Variants in ST8SIA2 observed in about 807,000 individuals in gnomAD.
ST8SIA2 encodes alpha-2,8-sialyltransferase 8B.
Under a neutral mutation model 37.6 loss-of-function variants are expected in ST8SIA2, and 22 were observed. The ratio of observed to expected loss-of-function variants is 0.58; its 90% CI spans 0.42 to 0.83. The LOEUF (loss-of-function observed/expected upper bound fraction) is 0.83. Among genes scored for constraint, ST8SIA2 ranks in the 40% least tolerant of loss-of-function variants. The pLI is 0.00. For missense variants in ST8SIA2, 382 were observed against 484.7 expected (o/e 0.79, Z 1.99); for synonymous variants, 205 against 201.2 (o/e 1.02, Z -0.16).
chr15:92,450,940 CT>C (rs766964227), intron 5 of ST8SIA2, among the ~76,000 whole-genome samples: 34 of 152,180 alleles, frequency 2.2e-4, no homozygotes, highest in Non-Finnish European at 5.0e-4. Flanking sequence ...TGAGAATTCA[CT>C]TTTAGGGCAG....
At chr15:92,438,696 G>T in intron 4 of ST8SIA2, 86 bp downstream of exon 4, 1 of 1,461,570 alleles carries the variant, frequency 6.8e-7, no homozygotes, top group East Asian at 2.5e-5. Context: ...CCAAGAGATT[G>T]AAACAAGAGG....
At chr15:92,432,390 T>C (rs1189439292) in intron 2 of ST8SIA2, among the ~76,000 whole-genome samples, 1 of 152,190 alleles carries the variant, frequency 6.6e-6, no homozygotes, top group East Asian at 1.9e-4. Context: ...CCTCATGAGG[T>C]GGCAGCCAGT....
chr15:92,426,131 C>T (rs979728067), intron 1 of ST8SIA2, among the ~76,000 whole-genome samples: 16 of 152,034 alleles, frequency 1.1e-4, no homozygotes, highest in Admixed American at 6.6e-4. Context: ...AGGAGGAGTT[C>T]GAATTGTGTA....
intron 4 of ST8SIA2, among the ~76,000 whole-genome samples, chr15:92,439,295 A>T (rs974956113): frequency 6.6e-6 from 1 of 152,212 alleles, no homozygotes; most frequent in Non-Finnish European, 1.5e-5. Context: ...CGGGAGTAAC[A>T]GAGAAACTTG....
At chr15:92,441,467 G>T (rs1348918572) in intron 4 of ST8SIA2, among the ~76,000 whole-genome samples, 1 of 152,078 alleles carries the variant, frequency 6.6e-6, no homozygotes, top group East Asian at 1.9e-4. Context: ...CTGGGCCCAG[G>T]AGAGCCCCAC....
intron 5 of ST8SIA2, among the ~76,000 whole-genome samples, chr15:92,445,762 C>T (rs1282075950): frequency 6.6e-6 from 1 of 152,152 alleles, no homozygotes; most frequent in Non-Finnish European, 1.5e-5. Flanking sequence ...TTAAGGAAAA[C>T]AAATAGGAAA....
chr15:92,446,858 G>A (rs559875480), intron 5 of ST8SIA2, among the ~76,000 whole-genome samples: 17 of 152,270 alleles, frequency 1.1e-4, no homozygotes, highest in African/African-American at 3.8e-4. Context: ...AGAGACAAAT[G>A]TGGTTGAAAC....
chr15:92,429,295 T>G (rs1420906907), intron 1 of ST8SIA2, among the ~76,000 whole-genome samples: 2 of 152,196 alleles, frequency 1.3e-5, no homozygotes, highest in Non-Finnish European at 2.9e-5. Flanking sequence ...GAGGCACATG[T>G]ATTTATCCAT....
chr15:92,421,801 T>C (rs1047973806), intron 1 of ST8SIA2, among the ~76,000 whole-genome samples: 1 of 152,210 alleles, frequency 6.6e-6, no homozygotes, highest in Non-Finnish European at 1.5e-5. Flanking sequence ...AAGATAACAG[T>C]GTCTCAGAGA....
At chr15:92,421,874 C>T (rs555062566) in intron 1 of ST8SIA2, among the ~76,000 whole-genome samples, 3 of 152,288 alleles carry the variant, frequency 2.0e-5, no homozygotes, top group East Asian at 3.9e-4. Context: ...GGAATAATAA[C>T]TTTGAATCCT....
chr15:92,432,987 G>A (rs2049727741), intron 2 of ST8SIA2, among the ~76,000 whole-genome samples: 3 of 152,146 alleles, frequency 2.0e-5, no homozygotes, highest in South Asian at 2.1e-4. Context: ...AAAATTAGCC[G>A]GGTGTGGTGG....
At chr15:92,415,780 G>C (rs1275504881) in intron 1 of ST8SIA2, among the ~76,000 whole-genome samples, 1 of 152,144 alleles carries the variant, frequency 6.6e-6, no homozygotes, top group Non-Finnish European at 1.5e-5. Context: ...TATGACCCAG[G>C]GCTGGCAGTG....
At chr15:92,448,803 C>A (rs950670871) in intron 5 of ST8SIA2, among the ~76,000 whole-genome samples, 34 of 152,122 alleles carry the variant, frequency 2.2e-4, no homozygotes, top group Non-Finnish European at 4.3e-4. Flanking sequence ...GTAGTCAGAG[C>A]AGTGGACTAA....
chr15:92,412,503 A>G lies in ST8SIA2; in HGVS notation c.99-17546A>G, dbSNP rs188562667. 5.0e-3 allele frequency among the ~76,000 whole-genome samples: 763 copies of G among 152,132 alleles called. 5 individuals are homozygous for G. The highest frequency in any genetic ancestry group is 0.017 in the African/African-American group (687 of 41,468). On this transcript the variant is annotated intron_variant, in intron 1 of 5. Transcript: ENST00000268164. ...TGGCCCATGCAGACCTCTCTGCCTG[A>G]TATTCTTCCCACAGCCCTTTGCAAG...
chr15:92,430,344 T>G (rs1024305954), intron 2 of ST8SIA2, among the ~76,000 whole-genome samples: 6 of 152,182 alleles, frequency 3.9e-5, no homozygotes, highest in African/African-American at 1.4e-4. Context: ...TAAGAGTCAC[T>G]TTCTGGAAAA....
chr15:92,427,719 C>G (rs1596238666), intron 1 of ST8SIA2, among the ~76,000 whole-genome samples: 1 of 152,174 alleles, frequency 6.6e-6, no homozygotes. Flanking sequence ...TGCAGTAGCT[C>G]CTCCCTGTAA....
rs1205615256 is a variant in ST8SIA2, at chr15:92,464,812, A to G, written c.*427A>G. The stretch of plus-strand genomic sequence containing the variant: ...AAGCCTCTGGGATATGTGGATTCGG[A>G]GAAAGCTGAGGCCCAGAGGGGACAC... On this transcript the variant is annotated 3_prime_UTR_variant, in exon 6 of 6. Transcript: ENST00000268164. 4.8e-6 allele frequency: 1 copy of G among 209,220 alleles called. No homozygotes were observed. The highest frequency in any genetic ancestry group is 9.7e-6 in the Non-Finnish European group (1 of 102,618). 13.0% of individuals were successfully genotyped at this position (209,220 alleles called of 1,614,324 possible).
intron 1 of ST8SIA2, among the ~76,000 whole-genome samples, chr15:92,427,502 A>G (rs1012218829): frequency 1.3e-5 from 2 of 152,212 alleles, no homozygotes; most frequent in African/African-American, 4.8e-5. Flanking sequence ...TGCTTTTAGT[A>G]CAAGCCAAAT....
intron 1 of ST8SIA2, among the ~76,000 whole-genome samples, chr15:92,402,450 G>T (rs1216794454): frequency 2.0e-5 from 3 of 152,170 alleles, no homozygotes; most frequent in African/African-American, 7.2e-5. Flanking sequence ...AAGGTGCAGA[G>T]CTGGGATTCA....
Sources: allele counts gnomAD v4.1 joint callset (sites outside exome capture counted in the v4.1 genomes callset), GRCh38; gene constraint gnomAD v4.1.1; transcripts MANE v1.5; gene names NCBI Gene and HGNC (gene_info 2026-07-23, HGNC 2026-07-21).